The following EIF3H variants were observed in gnomAD, a reference collection of about 807,000 sequenced individuals.
The protein encoded by EIF3H is eukaryotic translation initiation factor 3 subunit H, also known as eIF-3-gamma.
Under a neutral mutation model 44.2 loss-of-function variants are expected in EIF3H, and 26 were observed. The observed-to-expected ratio is 0.59, with a 90% CI of 0.43 to 0.82. The LOEUF is 0.82. Ranked by LOEUF, EIF3H falls within the 40% of genes least tolerant of loss-of-function variation. EIF3H has a pLI of 0.00. For synonymous variants in EIF3H, 166 were observed against 151.9 expected (o/e 1.09, Z -0.68); for missense variants, 359 against 432.8 (o/e 0.83, Z 1.51).
At chr8:116,718,445 T>C (rs1814689426) in intron 2 of EIF3H, among the ~76,000 whole-genome samples, 1 of 152,068 alleles carries the variant, frequency 6.6e-6, no homozygotes, top group South Asian at 2.1e-4. Flanking sequence ...CAATTTGCAA[T>C]TGCAAAAATA....
intron 1 of EIF3H, among the ~76,000 whole-genome samples, chr8:116,739,339 T>C (rs906539992): frequency 1.3e-5 from 2 of 152,196 alleles, no homozygotes; most frequent in Non-Finnish European, 2.9e-5. Context: ...ACAATGCTTA[T>C]CACTGGCTTG....
intron 5 of EIF3H, among the ~76,000 whole-genome samples, chr8:116,652,722 A>G (rs1813416662): frequency 6.6e-6 from 1 of 152,144 alleles, no homozygotes; most frequent in Non-Finnish European, 1.5e-5. Context: ...TAAAGAGTTG[A>G]AAATTTAAAC....
At chr8:116,704,224 C>G (rs538463598) in intron 2 of EIF3H, among the ~76,000 whole-genome samples, 2 of 152,182 alleles carry the variant, frequency 1.3e-5, no homozygotes, top group Non-Finnish European at 2.9e-5. Flanking sequence ...GGACAAAGTA[C>G]TTAGCTTCTC....
At chr8:116,749,958 A>C (rs1815299305) in intron 1 of EIF3H, among the ~76,000 whole-genome samples, 1 of 152,300 alleles carries the variant, frequency 6.6e-6, no homozygotes, top group Non-Finnish European at 1.5e-5. Context: ...GGCCACTATC[A>C]ATGTGCCAGG....
chr8:116,689,061 T>C (rs1334597163), intron 2 of EIF3H: 2 of 439,022 alleles, frequency 4.6e-6, no homozygotes, highest in Non-Finnish European at 9.2e-6. Context: ...CAAAAACGTA[T>C]TACTTACATA....
chr8:116,668,569 G>A (rs1183744060), intron 2 of EIF3H, among the ~76,000 whole-genome samples: 1 of 152,108 alleles, frequency 6.6e-6, no homozygotes, highest in Non-Finnish European at 1.5e-5. Context: ...CCTAAACTGT[G>A]GGAGCAGCAG....
intron 2 of EIF3H, among the ~76,000 whole-genome samples, chr8:116,716,282 T>C (rs1362537830): frequency 6.6e-6 from 1 of 152,090 alleles, no homozygotes; most frequent in Non-Finnish European, 1.5e-5. Context: ...CCAGGTTTTT[T>C]GGCCTCATAC....
intron 2 of EIF3H, among the ~76,000 whole-genome samples, chr8:116,670,429 T>C (rs1317271): frequency 1.3e-5 from 2 of 152,000 alleles, no homozygotes; most frequent in African/African-American, 4.8e-5. Context: ...TTCAGAGAAA[T>C]CTCCAGCTTT....
At chr8:116,659,464 A>C (rs1813548091) in intron 2 of EIF3H, among the ~76,000 whole-genome samples, 1 of 152,222 alleles carries the variant, frequency 6.6e-6, no homozygotes, top group Non-Finnish European at 1.5e-5. Flanking sequence ...TACCAACCAC[A>C]CTGCTTATAT....
At chr8:116,678,238 G>A (rs1182489429) in intron 2 of EIF3H, among the ~76,000 whole-genome samples, 3 of 151,984 alleles carry the variant, frequency 2.0e-5, no homozygotes, top group Admixed American at 6.5e-5. Flanking sequence ...CGAGTGATCC[G>A]CCAGCCTCGG....
intron 2 of EIF3H, among the ~76,000 whole-genome samples, chr8:116,716,188 TAA>T (rs1814656802): frequency 6.6e-6 from 1 of 152,064 alleles, no homozygotes; most frequent in Non-Finnish European, 1.5e-5. Context: ...AGTGAGCAAT[TAA>T]AAAGATACTA....
chr8:116,663,760 GTC>G (rs894387019), intron 2 of EIF3H, among the ~76,000 whole-genome samples: 2 of 151,856 alleles, frequency 1.3e-5, no homozygotes, highest in Non-Finnish European at 2.9e-5. Context: ...GTGAAACCTC[GTC>G]TCTACTAAAA....
intron 2 of EIF3H, among the ~76,000 whole-genome samples, chr8:116,671,820 A>T (rs1448797218): frequency 6.6e-6 from 1 of 152,224 alleles, no homozygotes; most frequent in African/African-American, 2.4e-5. Context: ...ACCACCAAAA[A>T]ATTGAGCTTG....
intron 1 of EIF3H, among the ~76,000 whole-genome samples, chr8:116,743,909 T>G (rs1815184590): frequency 6.6e-6 from 1 of 150,510 alleles, no homozygotes; most frequent in African/African-American, 2.4e-5. Flanking sequence ...AAGGGTTGAG[T>G]TTTAGGACTA....
chr8:116,710,823 G>A (rs1310272643), intron 2 of EIF3H, among the ~76,000 whole-genome samples: 2 of 152,128 alleles, frequency 1.3e-5, no homozygotes, highest in Non-Finnish European at 2.9e-5. Flanking sequence ...TTTCCCATCT[G>A]CTAAAATAAT....
At chr8:116,686,178 A>T (rs1382298899) in intron 2 of EIF3H, among the ~76,000 whole-genome samples, 3 of 152,170 alleles carry the variant, frequency 2.0e-5, no homozygotes, top group Non-Finnish European at 4.4e-5. Context: ...GGACTATACT[A>T]ATCACAAAAG....
intron 2 of EIF3H, among the ~76,000 whole-genome samples, chr8:116,709,936 T>C (rs1044670034): frequency 2.6e-5 from 4 of 152,206 alleles, no homozygotes; most frequent in Non-Finnish European, 5.9e-5. Context: ...GTGAGAGTTG[T>C]TCACGGTGCA....
intron 6 of EIF3H, among the ~76,000 whole-genome samples, chr8:116,646,957 T>G (rs1052086439): frequency 6.6e-6 from 1 of 152,148 alleles, no homozygotes; most frequent in East Asian, 1.9e-4. Flanking sequence ...AAATGATTCA[T>G]CCTAATTTTA....
intron 2 of EIF3H, among the ~76,000 whole-genome samples, chr8:116,690,101 G>A (rs764689451): frequency 1.3e-5 from 2 of 152,036 alleles, no homozygotes; most frequent in Admixed American, 6.6e-5. Context: ...CACGTCTCAG[G>A]TCCTTCTCCA....
Sources: allele counts gnomAD v4.1 joint callset (sites outside exome capture counted in the v4.1 genomes callset), GRCh38; gene constraint gnomAD v4.1.1; transcripts MANE v1.5; gene names NCBI Gene and HGNC (gene_info 2026-07-23, HGNC 2026-07-21).